Variants in SVIL observed in about 807,000 individuals in gnomAD.
SVIL encodes the protein supervillin.
In SVIL, 101 loss-of-function variants were observed where a neutral mutation model predicts 240.4. That is an observed-to-expected ratio of 0.42 (90% confidence interval 0.36 to 0.50). The LOEUF (loss-of-function observed/expected upper bound fraction) is 0.50. Among genes scored for constraint, SVIL ranks in the 20% least tolerant of loss-of-function variants. The pLI is 0.01. For synonymous variants in SVIL, 999 were observed against 1,100.0 expected (o/e 0.91, Z 1.82); for missense variants, 2,512 against 2,818.7 (o/e 0.89, Z 2.46).
intron 2 of SVIL, among the ~76,000 whole-genome samples, chr10:29,677,210 G>C (rs1351681979): frequency 1.3e-5 from 2 of 152,092 alleles, no homozygotes; most frequent in African/African-American, 4.8e-5. Flanking sequence ...CCTTTGCTGG[G>C]AACTCAGATG....
chr10:29,604,363 CTTTTTTTTTTT>C (rs71525560), intron 1 of SVIL, among the ~76,000 whole-genome samples: 1,639 of 38,470 alleles, frequency 0.043, 71 homozygotes, highest in Admixed American at 0.19. Flanking sequence ...CCATGTCTGG[CTTTTTTTTTTT>C]TTTTTTTTTT....
rs747863399 is a variant in SVIL, at chr10:29,473,922, G to A, written c.5445C>T (p.Phe1815=). 2.1e-5 allele frequency: 34 copies of A among 1,613,946 alleles called. No homozygotes were observed. In the Admixed American group the frequency reaches 5.5e-4, roughly 26 times the overall value. The part of the protein sequence containing the change: ...AAGKEKCVYF[F]WQGRHSTVSE... ...TCACGGTGGAGTGCCGGCCTTGCCA[G>A]AAGAAGTAGACGCACTTCTCTTTGC... Residue 1815 remains phenylalanine (F), a synonymous_variant, in exon 30 of 38, where the codon TTC becomes TTT. Transcript: ENST00000355867.
At position 29,532,986 on chromosome 10, in the gene SVIL, C is replaced by G. The variant is rs1177841106; in HGVS notation, c.1381G>C (p.Gly461Arg). 2 of 1,614,020 alleles carry G rather than the reference C, an allele frequency of 1.2e-6. No individual in the cohort carries two copies. Among genetic ancestry groups the G allele is most frequent in the African/African-American group, 1.3e-5 (1 of 74,918 alleles). ...TCTGGGCTTCTCACTAGCCCATCAC[C>G]CTCCAAAGCCAGTAGGGTTTTCTTG... ...QSKKTLLALEGDGLVRSPEDP... is the reference protein window; with the variant it reads ...QSKKTLLALERDGLVRSPEDP... The change falls in exon 8 of 38, where the codon GGT becomes CGT. Residue 461 changes from glycine to arginine, a missense_variant. This residue lies in a region of SVIL where 1,443 missense variants were observed against 1,486.6 expected (regional missense o/e 0.97). Coordinates refer to ENST00000355867, the MANE Select transcript of SVIL (RefSeq NM_021738.3).
At position 29,481,709 on chromosome 10, in the gene SVIL, C is replaced by T. The variant is rs746483403; in HGVS notation, c.4975G>A (p.Asp1659Asn). 3.4e-5 allele frequency: 54 copies of T among 1,611,184 alleles called. No individual in the cohort carries two copies. The highest frequency in any genetic ancestry group is 1.7e-4 in the Middle Eastern group (1 of 6,054). The change falls in exon 28 of 38, where the codon GAC becomes AAC. Residue 1659 changes from aspartate (D) to asparagine (N), a missense_variant. Physicochemically the swap from Asp to Asn is conservative, Grantham distance 23. Transcript: ENST00000355867. ...GTAAGTCTCCCAAATATCGCCCAGT[C>T]GGGCCGCCCCTGTCCTTTTCTGTAG... ...LIPRKGQGRP[D>N]WAIFGRLTEH...
chr10:29,682,944 T>G (rs982465383), intron 2 of SVIL, among the ~76,000 whole-genome samples: 1 of 152,146 alleles, frequency 6.6e-6, no homozygotes, highest in African/African-American at 2.4e-5. Context: ...CAGGTGTTGA[T>G]AAAAAGAGTC....
intron 3 of SVIL, among the ~76,000 whole-genome samples, chr10:29,641,225 G>A (rs979649259): frequency 1.3e-5 from 2 of 151,896 alleles, no homozygotes; most frequent in African/African-American, 4.8e-5. Flanking sequence ...GCAACATAGT[G>A]AGACCCCATC....
At chr10:29,605,490 T>G (rs1337286193) in intron 1 of SVIL, among the ~76,000 whole-genome samples, 3 of 152,186 alleles carry the variant, frequency 2.0e-5, no homozygotes, top group Non-Finnish European at 4.4e-5. Context: ...TTTCCATATG[T>G]TTTAGACTCC....
intron 2 of SVIL, among the ~76,000 whole-genome samples, chr10:29,666,371 G>A (rs575460570): frequency 8.5e-5 from 13 of 152,316 alleles, no homozygotes; most frequent in South Asian, 4.1e-4. Flanking sequence ...ATAGAGATTT[G>A]CATCTGACTT....
chr10:29,508,072 A>T (rs946241916), intron 17 of SVIL: 1 of 265,184 alleles, frequency 3.8e-6, no homozygotes, highest in Admixed American at 4.8e-5. Context: ...GAAGATTGTC[A>T]GTTACAGAGA....
intron 32 of SVIL, chr10:29,469,081 C>T (rs899061528): frequency 1.3e-5 from 2 of 152,126 alleles, no homozygotes; most frequent in Admixed American, 1.3e-4. Context: ...TTCCAGATTG[C>T]TTGGCGCCAA....
intron 1 of SVIL, among the ~76,000 whole-genome samples, chr10:29,692,802 T>G (rs1382188494): frequency 1.3e-5 from 2 of 152,100 alleles, no homozygotes; most frequent in Non-Finnish European, 2.9e-5. Flanking sequence ...CGGGACTTTT[T>G]TCCTATTACT....
At chr10:29,617,928 C>T (rs928724157) in intron 1 of SVIL, among the ~76,000 whole-genome samples, 1 of 152,142 alleles carries the variant, frequency 6.6e-6, no homozygotes, top group African/African-American at 2.4e-5. Flanking sequence ...CTGGCCAAGA[C>T]GTTAAGAGGT....
chr10:29,554,700 T>A lies in SVIL; in HGVS notation c.160+83A>T. 5 of 1,418,610 alleles carry A rather than the reference T, an allele frequency of 3.5e-6. No individual in the cohort carries two copies. In the South Asian group the frequency reaches 6.5e-5, roughly 18 times the overall value. The allele number at this position is 1,418,610 out of a possible 1,614,324, so 87.9% of individuals were successfully genotyped here. On this transcript the variant is annotated intron_variant, in intron 5 of 37. Coordinates refer to ENST00000355867, the MANE Select transcript of SVIL (RefSeq NM_021738.3). ...ATTCACTTCTGTGGAATATCTCATG[T>A]TCTGATACCACTGGGTGGAAAGGGC...
At position 29,554,939 on chromosome 10, in the gene SVIL, GAAATACA is replaced by G; in HGVS notation, c.9-12_9-6del. 6.2e-7 allele frequency: 1 copy of G among 1,610,916 alleles called. No homozygotes were observed. Among genetic ancestry groups the G allele is most frequent in the Admixed American group, 1.7e-5 (1 of 59,334 alleles). Reference sequence around the variant, plus strand: ...CGCCTGGCAATTCTTTCTTTTCTGTGAAATACACCACAAGAGGCAGAGTGAGCAACAG... The same window carrying G: ...CGCCTGGCAATTCTTTCTTTTCTGTGCCACAAGAGGCAGAGTGAGCAACAG... On this transcript the variant is annotated splice_polypyrimidine_tract_variant and splice_region_variant and intron_variant, in intron 4 of 37. Transcript: ENST00000355867.
chr10:29,631,971 G>A (rs895985282), intron 1 of SVIL, among the ~76,000 whole-genome samples: 4 of 152,086 alleles, frequency 2.6e-5, no homozygotes, highest in South Asian at 2.1e-4. Context: ...TGAGATCAGC[G>A]CTTTAACATA....
At chr10:29,643,955 G>A in intron 3 of SVIL, 1 of 517,386 alleles carries the variant, frequency 1.9e-6, no homozygotes, top group Non-Finnish European at 3.9e-6. Flanking sequence ...TGGCTCCAGA[G>A]ACCCAGCCTC....
intron 2 of SVIL, among the ~76,000 whole-genome samples, chr10:29,676,476 C>A (rs1960214542): frequency 2.6e-5 from 4 of 152,100 alleles, no homozygotes; most frequent in Non-Finnish European, 5.9e-5. Flanking sequence ...ACCAGCTTAC[C>A]CCCAATGCAG....
chr10:29,687,697 C>T (rs941777320), intron 1 of SVIL, among the ~76,000 whole-genome samples: 7 of 152,130 alleles, frequency 4.6e-5, no homozygotes, highest in East Asian at 1.9e-4. Context: ...ACAAAAACCC[C>T]GTAAATTTGC....
rs1055982873 is a variant in SVIL at position 29,465,496 on chromosome 10, C to T, written c.6133+99G>A. 2.1e-6 allele frequency: 3 copies of T among 1,442,670 alleles called. No individual in the cohort carries two copies. In the African/African-American group the frequency reaches 4.3e-5, roughly 21 times the overall value. 89.4% of individuals were successfully genotyped at this position (1,442,670 alleles called of 1,614,324 possible). On this transcript the variant is annotated intron_variant, in intron 34 of 37. Transcript: ENST00000355867. ...CTGGGTGCTCTGGGAATGTACTTGG[C>T]AAACAGAAGCTGCTTAATAAATACC... is the stretch of plus-strand genomic sequence containing the variant.
Sources: allele counts gnomAD v4.1 joint callset (sites outside exome capture counted in the v4.1 genomes callset), GRCh38; gene constraint gnomAD v4.1.1; regional missense constraint gnomAD v4.1.1; transcripts MANE v1.5; gene names NCBI Gene and HGNC (gene_info 2026-07-23, HGNC 2026-07-21).